Variants in PPM1L observed in about 807,000 individuals in gnomAD.
The protein encoded by PPM1L is protein phosphatase, Mg2+/Mn2+ dependent 1L, also known as protein phosphatase 1L.
A neutral mutation model predicts 31.4 loss-of-function variants in PPM1L; 13 were observed. That is an observed-to-expected ratio of 0.41 (90% CI 0.27 to 0.66). PPM1L has a LOEUF of 0.66. Among genes scored for constraint, PPM1L ranks in the 30% least tolerant of loss-of-function variants. PPM1L has a pLI of 0.29. For missense variants in PPM1L, 326 were observed against 453.7 expected, an observed-to-expected ratio of 0.72 and a Z score of 2.56; for synonymous variants, 184 against 175.4, an observed-to-expected ratio of 1.05 and a Z score of -0.39.
intron 1 of PPM1L, among the ~76,000 whole-genome samples, chr3:160,890,246 C>G (rs931325756): frequency 2.6e-5 from 4 of 152,058 alleles, no homozygotes; most frequent in African/African-American, 4.8e-5. Flanking sequence ...TAGAAAACCC[C>G]ATCATCTCAG....
chr3:160,829,234 T>TAA (rs1232764941), intron 1 of PPM1L, among the ~76,000 whole-genome samples: 54 of 132,138 alleles, frequency 4.1e-4, no homozygotes, highest in African/African-American at 1.2e-3. Context: ...CCACCCTTGA[T>TAA]AAAAAAAAAA....
rs867521691 is a variant in PPM1L at position 160,756,789 on chromosome 3, G to GTGTGTGTGTGTA, written c.399+83_399+84insGTGTGTGTGTAT. 1.4e-5 allele frequency: 18 copies of GTGTGTGTGTGTA among 1,285,840 alleles called. 1 individual carries two copies. The Admixed American group carries it at 2.7e-4, about 19-fold the overall frequency. 79.7% of individuals were successfully genotyped at this position (1,285,840 alleles called of 1,614,324 possible). A position where few individuals can be genotyped will look rare whatever the true frequency, so the allele number is the denominator to read the frequency against. On this transcript the variant is annotated intron_variant, in intron 1 of 3. Coordinates refer to ENST00000498165, the MANE Select transcript of PPM1L (RefSeq NM_139245.4). This position sits in a 1 kb window ranked among gnomAD's most constrained non-coding sequence, Gnocchi z 6.2. ...TGTGTGTGTGTGTGTGTGTGTGTGT[G>GTGTGTGTGTGTA]TATAAACAACAGGACAGCGTGTGCG...
intron 1 of PPM1L, among the ~76,000 whole-genome samples, chr3:160,895,496 GCATGAACCAC>G (rs1198465481): frequency 1.3e-5 from 2 of 152,194 alleles, no homozygotes; most frequent in Non-Finnish European, 2.9e-5. Flanking sequence ...GGGATTACAG[GCATGAACCAC>G]CATGCCCAGC....
At chr3:160,843,406 G>T (rs1371329350) in intron 1 of PPM1L, among the ~76,000 whole-genome samples, 7 of 110,270 alleles carry the variant, frequency 6.3e-5, no homozygotes, top group East Asian at 6.1e-4. Context: ...TTTTTTTTTT[G>T]TGTGTGTATG....
intron 2 of PPM1L, among the ~76,000 whole-genome samples, chr3:161,037,690 C>T (rs1022898103): frequency 1.3e-5 from 2 of 150,096 alleles, no homozygotes; most frequent in Non-Finnish European, 3.0e-5. Context: ...CCTCAGCCTC[C>T]CAAAGTGCTG....
intron 2 of PPM1L, among the ~76,000 whole-genome samples, chr3:161,013,859 G>A (rs573641570): frequency 3.3e-5 from 5 of 151,546 alleles, no homozygotes; most frequent in African/African-American, 1.2e-4. Flanking sequence ...TGTTTTTTTT[G>A]TTTTCCATTT....
intron 2 of PPM1L, among the ~76,000 whole-genome samples, chr3:161,059,971 G>A (rs1451009115): frequency 6.6e-6 from 1 of 152,052 alleles, no homozygotes; most frequent in Non-Finnish European, 1.5e-5. Context: ...CCAGAATCAT[G>A]AGCCAATTAA....
intron 1 of PPM1L, among the ~76,000 whole-genome samples, chr3:160,826,005 G>A (rs959700206): frequency 3.9e-5 from 6 of 152,034 alleles, no homozygotes; most frequent in African/African-American, 1.5e-4. Flanking sequence ...GCTCCTCATT[G>A]CCTAGCTGAT....
In PPM1L at chr3:160,853,963, G is replaced by C. The variant is rs566565090; in HGVS notation, c.399+97256G>C. Among the ~76,000 whole-genome samples the C allele has an allele frequency of 8.1e-4, 124 of 152,206 alleles. 1 individual carries two copies. The highest frequency in any genetic ancestry group is 2.6e-3 in the Admixed American group (40 of 15,286). On this transcript the variant is annotated intron_variant, in intron 1 of 3. Transcript: ENST00000498165. ...ATACTGGACTTTCCCTACACAAGTA[G>C]GTACTTATATTCTGATCACAAGTCC... is the stretch of plus-strand genomic sequence containing the variant.
chr3:160,940,024 C>T (rs12639426), intron 1 of PPM1L, among the ~76,000 whole-genome samples: 2,386 of 152,202 alleles, frequency 0.016, 51 homozygotes, highest in East Asian at 0.05. Context: ...CAGATGGAGA[C>T]GAGGAACTTG....
intron 1 of PPM1L, among the ~76,000 whole-genome samples, chr3:160,879,301 A>G (rs2108036289): frequency 6.6e-6 from 1 of 152,216 alleles, no homozygotes; most frequent in African/African-American, 2.4e-5. Flanking sequence ...TGGATTACTC[A>G]AATTCTGAAG....
chr3:160,966,029 C>T (rs1313161539), intron 2 of PPM1L, among the ~76,000 whole-genome samples: 1 of 151,764 alleles, frequency 6.6e-6, no homozygotes, highest in African/African-American at 2.4e-5. Context: ...ACATATATAC[C>T]TTAATGCCTT....
At chr3:160,994,874 G>A (rs976615623) in intron 2 of PPM1L, among the ~76,000 whole-genome samples, 8 of 152,170 alleles carry the variant, frequency 5.3e-5, no homozygotes. Flanking sequence ...GGCAGTCAGA[G>A]AAAGGCTTGA....
rs561360646 is a variant in PPM1L at position 160,930,001 on chromosome 3, C to T, written c.400-31735C>T. On this transcript the variant is annotated intron_variant, in intron 1 of 3. Transcript: ENST00000498165. ...TTGAGGCCCCTCTCTCCTGACTTGCCCACGTCACCATCACTCATCCCTCTG... is the reference window on the plus strand; with the variant it reads ...TTGAGGCCCCTCTCTCCTGACTTGCTCACGTCACCATCACTCATCCCTCTG... Among the ~76,000 whole-genome samples, 3 of 152,294 alleles carry T rather than the reference C, an allele frequency of 2.0e-5. No homozygotes were observed. In the South Asian group the frequency reaches 6.2e-4, roughly 32 times the overall value.
At chr3:160,891,380 A>G (rs1713131822) in intron 1 of PPM1L, among the ~76,000 whole-genome samples, 1 of 152,222 alleles carries the variant, frequency 6.6e-6, no homozygotes, top group Non-Finnish European at 1.5e-5. Context: ...TCATGCAGCC[A>G]ACAACTATGA....
intron 2 of PPM1L, among the ~76,000 whole-genome samples, chr3:160,984,857 C>T (rs557676310): frequency 4.6e-5 from 7 of 152,266 alleles, no homozygotes; most frequent in Non-Finnish European, 1.0e-4. Context: ...CCCCATGGGA[C>T]ATTTGGCAAT....
intron 1 of PPM1L, among the ~76,000 whole-genome samples, chr3:160,826,932 C>T (rs1378665199): frequency 1.3e-5 from 2 of 151,918 alleles, no homozygotes; most frequent in Non-Finnish European, 1.5e-5. Flanking sequence ...TTTAAAAAAA[C>T]ACACATGAAA....
At chr3:160,976,726 T>G (rs1716595993) in intron 2 of PPM1L, among the ~76,000 whole-genome samples, 1 of 152,228 alleles carries the variant, frequency 6.6e-6, no homozygotes, top group Non-Finnish European at 1.5e-5. Flanking sequence ...TGATATCCCC[T>G]TTATCATTTT....
At chr3:161,055,703 T>C (rs987978145) in intron 2 of PPM1L, among the ~76,000 whole-genome samples, 1 of 152,012 alleles carries the variant, frequency 6.6e-6, no homozygotes, top group African/African-American at 2.4e-5. Flanking sequence ...TGTGTGCCTA[T>C]CTCTCTATGT....
Sources: allele counts gnomAD v4.1 joint callset (sites outside exome capture counted in the v4.1 genomes callset), GRCh38; gene constraint gnomAD v4.1.1; non-coding constraint Gnocchi (gnomAD v3.1); transcripts MANE v1.5; gene names NCBI Gene and HGNC (gene_info 2026-07-23, HGNC 2026-07-21).